The following GRK1 variants were observed in gnomAD, a reference collection of about 807,000 sequenced individuals.
GRK1 encodes the protein G protein-coupled receptor kinase 1, also known as rhodopsin kinase GRK1.
A neutral mutation model predicts 41.7 loss-of-function variants in GRK1; 28 were observed. The observed-to-expected ratio is 0.67, with a 90% CI of 0.50 to 0.92. The LOEUF (loss-of-function observed/expected upper bound fraction) is 0.92. Ranked by LOEUF, GRK1 falls within the 40% of genes least tolerant of loss-of-function variation. The pLI is 0.00. For missense variants in GRK1, 703 were observed against 671.2 expected (o/e 1.05, Z -0.52); for synonymous variants, 327 against 286.7 (o/e 1.14, Z -1.42).
intron 6 of GRK1, among the ~76,000 whole-genome samples, chr13:113,733,926 ATGTGTGCATACGTGTGTGCG>A (rs1273792135): frequency 4.4e-5 from 2 of 45,972 alleles, no homozygotes; most frequent in African/African-American, 1.6e-4. Flanking sequence ...GCGTGTGTGC[ATGTGTGCATACGTGTGTGCG>A]TGTGTGTGCA....
the GRK1 span, among the ~76,000 whole-genome samples, chr13:113,654,413 C>G: frequency 6.6e-6 from 1 of 152,124 alleles, no homozygotes; most frequent in Non-Finnish European, 1.5e-5. Flanking sequence ...CGGGTGTGCT[C>G]CTTGGAAACT....
At chr13:113,670,291 C>T (rs560504516) in intron 2 of GRK1, among the ~76,000 whole-genome samples, 2 of 152,146 alleles carry the variant, frequency 1.3e-5, no homozygotes, top group South Asian at 2.1e-4. Flanking sequence ...AGTCCTGCCC[C>T]GGATCTGCCG....
At chr13:113,658,660 C>T in the GRK1 span, among the ~76,000 whole-genome samples, 2 of 152,334 alleles carry the variant, frequency 1.3e-5, no homozygotes, top group Non-Finnish European at 2.9e-5. Flanking sequence ...GATTCTGGGT[C>T]ACCCAGTGGA....
At position 113,667,328 on chromosome 13, in the gene GRK1, C is replaced by T. The variant is rs1426372710; in HGVS notation, c.-59C>T. ...GTCAGGCCTGCTCTGTCTGTGAACG[C>T]TCCCGGCTTGGCCTCGGCTGATGGG... On this transcript the variant is annotated 5_prime_UTR_variant, in exon 1 of 7. Transcript: ENST00000335678. The surrounding 1 kb of genome is among the most constrained non-coding windows in gnomAD (Gnocchi z 7.5). The T allele has an allele frequency of 2.1e-6, 3 of 1,460,868 alleles. No individual in the cohort carries two copies. Among genetic ancestry groups the T allele is most frequent in the African/African-American group, 2.8e-5 (2 of 70,420 alleles). The allele number at this position is 1,460,868 out of a possible 1,614,324, so 90.5% of individuals were successfully genotyped here. A position where few individuals can be genotyped will look rare whatever the true frequency, so the allele number is the denominator to read the frequency against.
Position 113,667,747 on chromosome 13 carries a change from C to G in GRK1, c.361C>G (p.Leu121Val). The G allele has an allele frequency of 6.2e-7, 1 of 1,613,894 alleles. No individual in the cohort carries two copies. The stretch of plus-strand genomic sequence containing the variant: ...CCAGTACCTGGACCCCCAGGCCAAA[C>G]TCTTCTGCAGCTTCCTGGATGAGGG... Reference protein sequence around the residue: ...LAQYLDPQAKLFCSFLDEGIV... With the variant: ...LAQYLDPQAKVFCSFLDEGIV... Residue 121 changes from leucine to valine, a missense_variant, in exon 1 of 7, where the codon CTC becomes GTC. Physicochemically the swap from Leu to Val is conservative, Grantham distance 32 (BLOSUM62 1). Transcript: ENST00000335678. This position sits in a 1 kb window ranked among gnomAD's most constrained non-coding sequence, Gnocchi z 7.5.
At chr13:113,658,361 G>A in the GRK1 span, among the ~76,000 whole-genome samples, 10 of 152,334 alleles carry the variant, frequency 6.6e-5, no homozygotes, top group Non-Finnish European at 1.0e-4. Context: ...CCCCTGGGGC[G>A]GGCCAGGCCC....
At chr13:113,657,915 C>T in the GRK1 span, 1 of 822,634 alleles carries the variant, frequency 1.2e-6, no homozygotes, top group Non-Finnish European at 1.9e-6. Flanking sequence ...GCCATCCAGG[C>T]AGCATCGGGG....
chr13:113,724,010 G>A (rs1228171770), intron 4 of GRK1, among the ~76,000 whole-genome samples: 1 of 152,196 alleles, frequency 6.6e-6, no homozygotes, highest in African/African-American at 2.4e-5. Flanking sequence ...GTGTGTCCGT[G>A]TGCCTGTATG....
At chr13:113,663,857 G>A (rs1306340953), upstream of GRK1, among the ~76,000 whole-genome samples, 1 of 152,174 alleles carries the variant, frequency 6.6e-6, no homozygotes, top group Non-Finnish European at 1.5e-5. Context: ...AATGTAAAAT[G>A]GCACGGCCAC....
chr13:113,651,553 T>C, the GRK1 span: 2 of 1,205,100 alleles, frequency 1.7e-6, no homozygotes, highest in South Asian at 1.9e-5. Flanking sequence ...TCTGGTTTAC[T>C]GGGCCGACGG....
At chr13:113,723,832 CTG>C (rs1282869916) in intron 4 of GRK1, among the ~76,000 whole-genome samples, 1 of 150,878 alleles carries the variant, frequency 6.6e-6, no homozygotes, top group Non-Finnish European at 1.5e-5. Flanking sequence ...GCCTGTGTCT[CTG>C]TGCACACGTG....
the GRK1 span, chr13:113,649,218 G>A: frequency 1.4e-6 from 1 of 735,594 alleles, no homozygotes; most frequent in Non-Finnish European, 2.1e-6. The surrounding 1 kb of genome is among the most constrained non-coding windows in gnomAD (Gnocchi z 4.7). Flanking sequence ...TCCTTCAGAT[G>A]TGGGCGCTTC....
chr13:113,665,372 C>T (rs1045632192), upstream of GRK1, among the ~76,000 whole-genome samples: 8 of 151,082 alleles, frequency 5.3e-5, no homozygotes, highest in Non-Finnish European at 1.2e-4. Flanking sequence ...GAGGTATGCC[C>T]CAGCTGTCCC....
intron 4 of GRK1, among the ~76,000 whole-genome samples, chr13:113,724,205 A>C (rs2049875747): frequency 6.6e-6 from 1 of 152,038 alleles, no homozygotes; most frequent in Non-Finnish European, 1.5e-5. Flanking sequence ...TGCTTTACTT[A>C]ACCTCCGAGC....
chr13:113,669,701 G>A lies in GRK1; in HGVS notation c.714G>A (p.Glu238=). Reference sequence around the variant, plus strand: ...TCACTTTTCAGGGTGCTATGGTGGAGAAGAAGATTCTGATGAAAGTACACA... The same window carrying A: ...TCACTTTTCAGGGTGCTATGGTGGAAAAGAAGATTCTGATGAAAGTACACA... ...KRKGYQGAMV[E]KKILMKVHSR... The change falls in exon 2 of 7, where the codon GAG becomes GAA. Residue 238 remains glutamate, a synonymous_variant. Transcript: ENST00000335678. 1.2e-6 allele frequency: 2 copies of A among 1,613,976 alleles called. No individual in the cohort carries two copies. Among genetic ancestry groups the A allele is most frequent in the South Asian group, 2.2e-5 (2 of 91,078 alleles).
the GRK1 span, chr13:113,649,456 A>T: frequency 6.4e-7 from 1 of 1,568,800 alleles, no homozygotes; most frequent in South Asian, 1.2e-5. The surrounding 1 kb of genome is among the most constrained non-coding windows in gnomAD (Gnocchi z 4.7). Context: ...CTCCGCCATG[A>T]CCTTGCACAC....
chr13:113,664,234 G>A (rs1307097505), upstream of GRK1, among the ~76,000 whole-genome samples: 3 of 152,142 alleles, frequency 2.0e-5, no homozygotes, highest in Non-Finnish European at 4.4e-5. This position sits in a 1 kb window ranked among gnomAD's most constrained non-coding sequence, Gnocchi z 5.4. Context: ...GGGGAACTTC[G>A]GTGCATCTGT....
intron 2 of GRK1, among the ~76,000 whole-genome samples, chr13:113,670,271 G>A (rs569738188): frequency 6.6e-6 from 1 of 152,040 alleles, no homozygotes; most frequent in Non-Finnish European, 1.5e-5. Flanking sequence ...AGGTGGCGCT[G>A]CCTCCACAAA....
the GRK1 span, among the ~76,000 whole-genome samples, chr13:113,657,846 C>A: frequency 2.0e-5 from 3 of 152,362 alleles, no homozygotes; most frequent in East Asian, 3.9e-4. Context: ...CTTCAGGATG[C>A]TCTGGGGACC....
Sources: allele counts gnomAD v4.1 joint callset (sites outside exome capture counted in the v4.1 genomes callset), GRCh38; gene constraint gnomAD v4.1.1; non-coding constraint Gnocchi (gnomAD v3.1); transcripts MANE v1.5; gene names NCBI Gene and HGNC (gene_info 2026-07-23, HGNC 2026-07-21).